SLCO3A1: variants seen among roughly 807,000 people sequenced by gnomAD.
SLCO3A1 encodes the protein solute carrier organic anion transporter family member 3A1, also known as PGE1 transporter.
Under a neutral mutation model 63.1 loss-of-function variants are expected in SLCO3A1, and 27 were observed. The ratio of observed to expected loss-of-function variants is 0.43; its 90% CI spans 0.32 to 0.59. SLCO3A1 has a LOEUF of 0.59. Among genes scored for constraint, SLCO3A1 ranks in the 20% least tolerant of loss-of-function variants. The pLI is 0.09. For synonymous variants in SLCO3A1, 473 were observed against 409.9 expected, an observed-to-expected ratio of 1.15 and a Z score of -1.86; for missense variants, 773 against 945.8, an observed-to-expected ratio of 0.82 and a Z score of 2.40.
At chr15:92,051,363 T>C (rs2046955270) in intron 2 of SLCO3A1, among the ~76,000 whole-genome samples, 2 of 152,126 alleles carry the variant, frequency 1.3e-5, no homozygotes. Context: ...CCCTGTAGCC[T>C]GGACTGCATA....
chr15:92,110,111 G>T (rs75379057), intron 4 of SLCO3A1, among the ~76,000 whole-genome samples: 4,537 of 152,174 alleles, frequency 0.03, 179 homozygotes, highest in African/African-American at 0.097. Flanking sequence ...TCCAAAAGAG[G>T]CCATGCAGAG....
intron 1 of SLCO3A1, among the ~76,000 whole-genome samples, chr15:91,914,651 C>A (rs1362518497): frequency 6.7e-6 from 1 of 149,072 alleles, no homozygotes; most frequent in South Asian, 2.1e-4. Context: ...CTCACTGCAA[C>A]CGCCGCCTCC....
At chr15:92,152,633 C>T (rs1057098881) in intron 9 of SLCO3A1, among the ~76,000 whole-genome samples, 1 of 152,196 alleles carries the variant, frequency 6.6e-6, no homozygotes, top group African/African-American at 2.4e-5. Context: ...ATATATTTTA[C>T]CCCTGCTCTC....
chr15:92,147,286 G>A (rs1380925628), intron 8 of SLCO3A1, 127 bp downstream of exon 8: 40 of 887,116 alleles, frequency 4.5e-5, no homozygotes, highest in Non-Finnish European at 6.2e-5. Context: ...ACAGCAAGGA[G>A]CGCAGCTTCT....
intron 2 of SLCO3A1, among the ~76,000 whole-genome samples, chr15:92,061,186 T>G (rs2047082296): frequency 6.6e-6 from 1 of 152,222 alleles, no homozygotes; most frequent in Non-Finnish European, 1.5e-5. Flanking sequence ...TATACATAGG[T>G]GCCTAATAAA....
At chr15:92,097,846 T>C (rs541982467) in intron 3 of SLCO3A1, 17 of 152,318 alleles carry the variant, frequency 1.1e-4, no homozygotes, top group African/African-American at 3.9e-4. Flanking sequence ...TTTTATTGTT[T>C]CTAGTCTTGT....
At chr15:92,043,884 C>T (rs1282833728) in intron 2 of SLCO3A1, among the ~76,000 whole-genome samples, 1 of 152,160 alleles carries the variant, frequency 6.6e-6, no homozygotes, top group Non-Finnish European at 1.5e-5. Context: ...GTTCCTGCCT[C>T]CCTCCTCCTG....
At chr15:92,144,890 G>T (rs1356109682) in intron 7 of SLCO3A1, among the ~76,000 whole-genome samples, 1 of 152,174 alleles carries the variant, frequency 6.6e-6, no homozygotes, top group African/African-American at 2.4e-5. Flanking sequence ...GATTAAATTT[G>T]GGAGAGATGT....
intron 4 of SLCO3A1, among the ~76,000 whole-genome samples, chr15:92,106,490 T>G (rs2047669507): frequency 6.6e-6 from 1 of 152,088 alleles, no homozygotes; most frequent in Non-Finnish European, 1.5e-5. Context: ...CCCCTAGGAA[T>G]AAATTGGGCA....
At chr15:91,866,486 G>A (rs1312271782) in intron 1 of SLCO3A1, among the ~76,000 whole-genome samples, 1 of 151,034 alleles carries the variant, frequency 6.6e-6, no homozygotes, top group Non-Finnish European at 1.5e-5. Context: ...CCAGACATCT[G>A]CATTCTAATC....
intron 4 of SLCO3A1, among the ~76,000 whole-genome samples, chr15:92,119,493 C>A (rs944067931): frequency 2.6e-5 from 4 of 152,160 alleles, no homozygotes; most frequent in Non-Finnish European, 5.9e-5. Flanking sequence ...CTAGGGTAGA[C>A]TGGGTGATGA....
At chr15:91,969,125 C>A (rs1224204045) in intron 2 of SLCO3A1, among the ~76,000 whole-genome samples, 2 of 152,172 alleles carry the variant, frequency 1.3e-5, no homozygotes, top group Non-Finnish European at 2.9e-5. Flanking sequence ...TCGTTGTATA[C>A]AGCACATGTA....
intron 2 of SLCO3A1, among the ~76,000 whole-genome samples, chr15:91,963,159 T>G (rs145348109): frequency 6.6e-6 from 1 of 152,156 alleles, no homozygotes; most frequent in African/African-American, 2.4e-5. Flanking sequence ...ATAGGTCCTG[T>G]TAAGAATTCC....
chr15:91,969,649 A>G (rs1020290134), intron 2 of SLCO3A1, among the ~76,000 whole-genome samples: 1 of 152,150 alleles, frequency 6.6e-6, no homozygotes, highest in Admixed American at 6.5e-5. Flanking sequence ...AAACATTACC[A>G]AAATCTCCTT....
intron 2 of SLCO3A1, among the ~76,000 whole-genome samples, chr15:92,086,322 G>A (rs534869060): frequency 4.6e-5 from 7 of 152,126 alleles, no homozygotes; most frequent in South Asian, 2.1e-4. Flanking sequence ...AAACACACTC[G>A]TATTTAATTG....
intron 2 of SLCO3A1, among the ~76,000 whole-genome samples, chr15:91,963,552 A>C (rs1900542425): frequency 6.6e-6 from 1 of 152,188 alleles, no homozygotes; most frequent in Admixed American, 6.5e-5. Flanking sequence ...TGCAGTAGAT[A>C]TTAATTGTAT....
intron 2 of SLCO3A1, among the ~76,000 whole-genome samples, chr15:92,064,520 C>G (rs2047125431): frequency 6.6e-6 from 1 of 152,164 alleles, no homozygotes; most frequent in Non-Finnish European, 1.5e-5. Flanking sequence ...TTTGCCCAGA[C>G]CAGTGTCCTA....
At chr15:91,956,104 G>A (rs1007261534) in intron 2 of SLCO3A1, among the ~76,000 whole-genome samples, 4 of 152,098 alleles carry the variant, frequency 2.6e-5, no homozygotes, top group African/African-American at 7.2e-5. Context: ...TCCCCTGGGC[G>A]TGCACTGGGG....
chr15:92,082,298 T>C (rs1376056274), intron 2 of SLCO3A1, among the ~76,000 whole-genome samples: 1 of 152,194 alleles, frequency 6.6e-6, no homozygotes, highest in Non-Finnish European at 1.5e-5. Flanking sequence ...AGATTTAAGA[T>C]GTGGCAATAC....
Sources: allele counts gnomAD v4.1 joint callset (sites outside exome capture counted in the v4.1 genomes callset), GRCh38; gene constraint gnomAD v4.1.1; transcripts MANE v1.5; gene names NCBI Gene and HGNC (gene_info 2026-07-23, HGNC 2026-07-21).